The following CHST10 variants were observed in gnomAD, a reference collection of about 807,000 sequenced individuals.
CHST10 encodes the protein carbohydrate sulfotransferase 10.
CHST10 carries 24 observed loss-of-function variants against 34.7 expected under a neutral mutation model. The ratio of observed to expected loss-of-function variants is 0.69; its 90% CI spans 0.50 to 0.97. The LOEUF is 0.97. Ranked by LOEUF, CHST10 falls within the 50% of genes least tolerant of loss-of-function variation. CHST10 has a pLI of 0.00. For synonymous variants in CHST10, 161 were observed against 169.3 expected (o/e 0.95, Z 0.38); for missense variants, 402 against 452.1 (o/e 0.89, Z 1.00).
At chr2:100,394,883 C>T (rs576368337) in intron 6 of CHST10, among the ~76,000 whole-genome samples, 4 of 130,042 alleles carry the variant, frequency 3.1e-5, no homozygotes, top group African/African-American at 7.5e-5. Context: ...GCCACCACAG[C>T]GGGCTATTTT....
chr2:100,409,998 G>A (rs1177771427), intron 2 of CHST10, among the ~76,000 whole-genome samples: 3 of 152,158 alleles, frequency 2.0e-5, no homozygotes, highest in Non-Finnish European at 4.4e-5. Context: ...GGAGACTCCA[G>A]TGGGGGATGT....
intron 1 of CHST10, among the ~76,000 whole-genome samples, 197 bp from the exon 2 acceptor site, chr2:100,415,308 C>G (rs1407099615): frequency 3.9e-5 from 6 of 151,984 alleles, no homozygotes; most frequent in African/African-American, 1.5e-4. Flanking sequence ...TGTACCAAAA[C>G]CACTAGCTGT....
chr2:100,398,904 A>C lies in CHST10; in HGVS notation c.193-762T>G, dbSNP rs540989356. On this transcript the variant is annotated intron_variant, in intron 4 of 6. Coordinates refer to ENST00000264249, the MANE Select transcript of CHST10 (RefSeq NM_004854.5). ...GGGGCACAGGGAGATGTGCCAGTAC[A>C]CACAGAAGTTGCTCAGAGGCCCCCT... Among the ~76,000 whole-genome samples the C allele has an allele frequency of 7.2e-5, 11 of 152,222 alleles. 1 individual carries two copies. Among genetic ancestry groups the C allele is most frequent in the African/African-American group, 2.6e-4 (11 of 41,544 alleles).
At chr2:100,406,271 A>G (rs1343297769) in intron 3 of CHST10, among the ~76,000 whole-genome samples, 1 of 151,336 alleles carries the variant, frequency 6.6e-6, no homozygotes, top group Non-Finnish European at 1.5e-5. Flanking sequence ...GCTGCAAGGC[A>G]TAAGGCCACT....
rs569693280 is a variant in CHST10 at position 100,400,736 on chromosome 2, T to G, written c.192+1828A>C. Among the ~76,000 whole-genome samples the G allele has an allele frequency of 7.9e-5, 12 of 152,342 alleles. No homozygotes were observed. In the East Asian group the frequency reaches 2.3e-3, roughly 29 times the overall value. ...TCTTGTTGCCCAAGCTGGAGTGCAA[T>G]GGCACGATCTCAGCTCACTGCAACC... On this transcript the variant is annotated intron_variant, in intron 4 of 6. Transcript: ENST00000264249.
intron 4 of CHST10, among the ~76,000 whole-genome samples, chr2:100,401,983 C>T (rs4149515): frequency 0.13 from 19,710 of 152,152 alleles, 3,451 homozygotes; most frequent in African/African-American, 0.39. Flanking sequence ...CACCCCTCAT[C>T]CCAGCTAGGG....
At chr2:100,393,837 A>C (rs1674920632) in intron 6 of CHST10, 55 bp from the exon 7 acceptor site, 1 of 1,436,306 alleles carries the variant, frequency 7.0e-7, no homozygotes, top group Non-Finnish European at 9.6e-7. Context: ...GTCACAGCTG[A>C]GGGGGCGGGA....
At chr2:100,396,848 G>T (rs928376025) in intron 5 of CHST10, among the ~76,000 whole-genome samples, 1 of 152,232 alleles carries the variant, frequency 6.6e-6, no homozygotes, top group Admixed American at 6.5e-5. Flanking sequence ...TCACACTGTG[G>T]TGGCTGATTT....
chr2:100,402,593 C>T lies in CHST10; in HGVS notation c.163G>A (p.Glu55Lys). ...AGTTCCTCAGGAATGTGCTTCTCTT[C>T]TGGCAACTTCCTCACTTCCGGCATG... Reference protein sequence around the residue: ...TTMPEVRKLPEEKHIPEELKP... With the variant: ...TTMPEVRKLPKEKHIPEELKP... Residue 55 changes from glutamate (E) to lysine (K), a missense_variant, in exon 4 of 7, where the codon GAA (glutamate) becomes AAA (lysine). Coordinates refer to ENST00000264249, the MANE Select transcript of CHST10 (RefSeq NM_004854.5). 6.2e-6 allele frequency: 10 copies of T among 1,613,978 alleles called. No individual in the cohort carries two copies. Among genetic ancestry groups the T allele is most frequent in the South Asian group, 2.2e-5 (2 of 91,068 alleles).
At chr2:100,414,262 T>C (rs189807793) in intron 2 of CHST10, among the ~76,000 whole-genome samples, 8 of 152,204 alleles carry the variant, frequency 5.3e-5, no homozygotes, top group Non-Finnish European at 1.2e-4. Flanking sequence ...TGAGGAGGCC[T>C]GTCAATGGCC....
intron 4 of CHST10, 97 bp from the exon 5 acceptor site, chr2:100,398,239 C>T (rs1389274880): frequency 3.7e-6 from 3 of 816,222 alleles, no homozygotes; most frequent in Non-Finnish European, 3.9e-6. Flanking sequence ...CCCTCCTTTC[C>T]ATCTGGAGCC....
rs1182308440 is a variant in CHST10, at chr2:100,393,714, T to C, written c.602A>G (p.Asp201Gly). The C allele has an allele frequency of 1.2e-6, 2 of 1,613,826 alleles. No individual in the cohort carries two copies. The highest frequency in any genetic ancestry group is 2.7e-5 in the African/African-American group (2 of 74,914). The change falls in exon 7 of 7, where the codon GAT (aspartate) becomes GGT (glycine). Residue 201 changes from aspartate (D) to glycine (G), a missense_variant. Physicochemically the swap from Asp to Gly is moderately conservative, Grantham distance 94. Coordinates refer to ENST00000264249, the MANE Select transcript of CHST10 (RefSeq NM_004854.5). Reference sequence around the variant, plus strand: ...AAACCGGGGATTGTGAACAAATTTATCCTTAAATGCAGAAATAAGTCTTTC... The same window carrying C: ...AAACCGGGGATTGTGAACAAATTTACCCTTAAATGCAGAAATAAGTCTTTC... Reference protein sequence around the residue: ...PFERLISAFKDKFVHNPRFEP... With the variant: ...PFERLISAFKGKFVHNPRFEP...
intron 1 of CHST10, chr2:100,416,863 T>G (rs1234214890): frequency 2.5e-6 from 2 of 786,484 alleles, no homozygotes; most frequent in East Asian, 1.3e-4. Context: ...CAGCCAGAAG[T>G]GCAGAACTGC....
At chr2:100,413,117 A>G (rs1249309970) in intron 2 of CHST10, among the ~76,000 whole-genome samples, 2 of 152,214 alleles carry the variant, frequency 1.3e-5, no homozygotes, top group African/African-American at 4.8e-5. Flanking sequence ...TGACATAAAG[A>G]GTCTTTCCTC....
At chr2:100,398,719 A>G (rs1032817605) in intron 4 of CHST10, among the ~76,000 whole-genome samples, 10 of 152,218 alleles carry the variant, frequency 6.6e-5, no homozygotes, top group Non-Finnish European at 4.4e-5. Flanking sequence ...GGGGGAAAAA[A>G]GAAATTAAAA....
intron 4 of CHST10, among the ~76,000 whole-genome samples, chr2:100,400,537 G>C (rs575772139): frequency 6.6e-6 from 1 of 152,200 alleles, no homozygotes; most frequent in Non-Finnish European, 1.5e-5. Flanking sequence ...ACCATGCCCA[G>C]CTAAAGAAAA....
intron 3 of CHST10, among the ~76,000 whole-genome samples, chr2:100,405,074 T>C (rs1483025522): frequency 6.6e-6 from 1 of 152,222 alleles, no homozygotes; most frequent in African/African-American, 2.4e-5. Flanking sequence ...AACCCGGCTC[T>C]AGGGCTTCAG....
In CHST10 at chr2:100,392,908, T is replaced by A. The variant is rs1389382617; in HGVS notation, c.*337A>T. ...CAGGGGCATCCCCTTCCTTAACACC[T>A]GAAGGAAACGGCTCCTAACGCTGTG... On this transcript the variant is annotated 3_prime_UTR_variant, in exon 7 of 7. Transcript: ENST00000264249. 1 of 279,004 alleles carries A rather than the reference T, an allele frequency of 3.6e-6. No individual in the cohort carries two copies. The highest frequency in any genetic ancestry group is 6.8e-6 in the Non-Finnish European group (1 of 146,990). The allele number at this position is 279,004 out of a possible 1,614,324, so 17.3% of individuals were successfully genotyped here.
intron 2 of CHST10, among the ~76,000 whole-genome samples, chr2:100,406,974 G>C (rs1404433781): frequency 1.3e-5 from 2 of 152,202 alleles, no homozygotes; most frequent in Admixed American, 6.5e-5. Context: ...TGTGTTCTCA[G>C]AACACAGAAT....
Sources: allele counts gnomAD v4.1 joint callset (sites outside exome capture counted in the v4.1 genomes callset), GRCh38; gene constraint gnomAD v4.1.1; transcripts MANE v1.5; gene names NCBI Gene and HGNC (gene_info 2026-07-23, HGNC 2026-07-21).